The following ALDH1L1 variants were observed in gnomAD, a reference collection of about 807,000 sequenced individuals.
ALDH1L1 encodes aldehyde dehydrogenase 1 family member L1, also known as cytosolic 10-formyltetrahydrofolate dehydrogenase.
ALDH1L1 carries 68 observed loss-of-function variants against 101.1 expected under a neutral mutation model. The observed-to-expected ratio is 0.67, with a 90% CI of 0.55 to 0.82. The LOEUF is 0.82. Ranked by LOEUF, ALDH1L1 falls within the 40% of genes least tolerant of loss-of-function variation. The pLI is 0.00. For synonymous variants in ALDH1L1, 486 were observed against 470.8 expected (o/e 1.03, Z -0.42); for missense variants, 1,087 against 1,172.7 (o/e 0.93, Z 1.07).
At chr3:126,120,531 G>C (rs1480347576) in intron 16 of ALDH1L1, among the ~76,000 whole-genome samples, 1 of 152,220 alleles carries the variant, frequency 6.6e-6, no homozygotes, top group African/African-American at 2.4e-5. Context: ...AATGGTAGAT[G>C]CAAGGGATTA....
chr3:126,162,852 T>A (rs747016734), intron 1 of ALDH1L1, among the ~76,000 whole-genome samples: 9 of 152,354 alleles, frequency 5.9e-5, no homozygotes, highest in Middle Eastern at 3.4e-3. Flanking sequence ...CCTCTGGAAC[T>A]GATTTTTTCA....
In ALDH1L1 at chr3:126,112,872, A is replaced by G. The variant is rs771192887; in HGVS notation, c.2091T>C (p.Ser697=). ...TCTCTCCTTTGTTGAAGAAAACAGA[A>G]CTCATCCCCTTCAGAGAATGGACAA... ...DLNKAVQMGM[S]SVFFNKGENC... is the part of the protein sequence containing the mutation. The change falls in exon 19 of 23, where the codon AGT becomes AGC. Residue 697 remains serine (S), a synonymous_variant. Transcript: ENST00000393434. The G allele has an allele frequency of 1.1e-5, 17 of 1,613,032 alleles. No individual in the cohort carries two copies. The South Asian group carries it at 1.8e-4, about 17-fold the overall frequency.
At chr3:126,158,684 C>T in intron 2 of ALDH1L1, 45 bp from the exon 3 acceptor site, 2 of 1,559,534 alleles carry the variant, frequency 1.3e-6, no homozygotes, top group East Asian at 2.3e-5. Context: ...CATAACCCAC[C>T]CACACGCAGC....
chr3:126,123,959 A>T (rs548676886), intron 16 of ALDH1L1, among the ~76,000 whole-genome samples: 1 of 152,358 alleles, frequency 6.6e-6, no homozygotes, highest in East Asian at 1.9e-4. Flanking sequence ...ACTTTTCCAT[A>T]AACTAGACAA....
chr3:126,149,424 C>T (rs931198626), intron 8 of ALDH1L1, among the ~76,000 whole-genome samples: 5 of 152,234 alleles, frequency 3.3e-5, no homozygotes, highest in African/African-American at 1.2e-4. Context: ...CCCAGCTCAT[C>T]CCCAGAGCCA....
In ALDH1L1 at chr3:126,103,724, G is replaced by A; in HGVS notation, c.*67C>T. 6.4e-7 allele frequency: 1 copy of A among 1,555,012 alleles called. No homozygotes were observed. Among genetic ancestry groups the A allele is most frequent in the East Asian group, 2.3e-5 (1 of 43,870 alleles). ...CAGGTGGGAGGTGCTGTGCACCCAG[G>A]CTCAAGAGGGAGGGGGCCCCAGCCA... On this transcript the variant is annotated 3_prime_UTR_variant, in exon 23 of 23. Coordinates refer to ENST00000393434, the MANE Select transcript of ALDH1L1 (RefSeq NM_012190.4).
At chr3:126,166,024 G>T (rs1483735513) in intron 1 of ALDH1L1, among the ~76,000 whole-genome samples, 1 of 151,712 alleles carries the variant, frequency 6.6e-6, no homozygotes, top group East Asian at 1.9e-4. Context: ...GTTAATTTGA[G>T]ATCTTTCTAT....
chr3:126,108,241 C>T (rs532722931), intron 20 of ALDH1L1, among the ~76,000 whole-genome samples: 4 of 152,212 alleles, frequency 2.6e-5, no homozygotes, highest in Non-Finnish European at 5.9e-5. Context: ...GTACTCTCCC[C>T]TGTCCCCTCT....
chr3:126,176,259 C>T lies in ALDH1L1; in HGVS notation c.-24+4217G>A, dbSNP rs761185356. Among the ~76,000 whole-genome samples the T allele has an allele frequency of 1.1e-4, 17 of 152,036 alleles. No homozygotes were observed. The East Asian group carries it at 1.2e-3, about 10-fold the overall frequency. On this transcript the variant is annotated intron_variant, in intron 1 of 22. Coordinates refer to ENST00000393434, the MANE Select transcript of ALDH1L1 (RefSeq NM_012190.4). ...ATACTGTCCAGATGTCAGTTCTTTC[C>T]GACTTTATCTATAGATTCAATGCAA...
At chr3:126,197,177 T>A (rs1450865517) in intron 1 of ALDH1L1, among the ~76,000 whole-genome samples, 1 of 152,242 alleles carries the variant, frequency 6.6e-6, no homozygotes, top group Non-Finnish European at 1.5e-5. Context: ...GTGTATTTGT[T>A]GTTTATTTGG....
intron 9 of ALDH1L1, among the ~76,000 whole-genome samples, chr3:126,143,788 G>C (rs1195043065): frequency 6.6e-6 from 1 of 151,968 alleles, no homozygotes; most frequent in Admixed American, 6.6e-5. Flanking sequence ...AAAAAAAATT[G>C]TTTTAAGTTA....
rs1945759892 is a variant in ALDH1L1 at position 126,103,792 on chromosome 3, C to T, written c.2708G>A (p.Ter903=). The change falls in exon 23 of 23, where the codon TGA becomes TAA. Residue 903 remains the stop codon, a stop_retained_variant. Coordinates refer to ENST00000393434, the MANE Select transcript of ALDH1L1 (RefSeq NM_012190.4). ...CTTTCTTCTCACAAAGACCTTTCTT[C>T]AGTATTCGAAGGTCACTGTCTTGAC... ...LRVKTVTFEY[*] The T allele has an allele frequency of 6.2e-7, 1 of 1,613,462 alleles. No homozygotes were observed. Among genetic ancestry groups the T allele is most frequent in the East Asian group, 2.2e-5 (1 of 44,870 alleles).
At chr3:126,138,631 C>T (rs75339119) in intron 9 of ALDH1L1, among the ~76,000 whole-genome samples, 6,834 of 152,250 alleles carry the variant, frequency 0.045, 494 homozygotes, top group African/African-American at 0.15. Flanking sequence ...TGACCATTCC[C>T]ACTATTGGGA....
chr3:126,122,212 T>C (rs2080093482), intron 16 of ALDH1L1, among the ~76,000 whole-genome samples: 1 of 152,162 alleles, frequency 6.6e-6, no homozygotes, highest in Admixed American at 6.5e-5. Flanking sequence ...TGAAGGCAAG[T>C]GACTACAGAC....
intron 1 of ALDH1L1, among the ~76,000 whole-genome samples, chr3:126,161,382 T>G (rs555490170): frequency 6.6e-6 from 1 of 152,342 alleles, no homozygotes; most frequent in Admixed American, 6.5e-5. Context: ...GTCACACTTG[T>G]TCATGAGAAA....
intron 21 of ALDH1L1, among the ~76,000 whole-genome samples, chr3:126,106,661 G>A (rs1576404039): frequency 2.0e-5 from 3 of 152,284 alleles, no homozygotes; most frequent in Admixed American, 1.3e-4. Flanking sequence ...AGGCTGCCAC[G>A]CGGAGGAAGC....
At chr3:126,155,340 G>A (rs1442525208) in intron 5 of ALDH1L1, 62 bp downstream of exon 5, 2 of 1,465,900 alleles carry the variant, frequency 1.4e-6, no homozygotes. Flanking sequence ...TCCTCAGGCT[G>A]CCCTCTACAA....
chr3:126,125,095 G>C (rs2080154568), intron 15 of ALDH1L1, among the ~76,000 whole-genome samples: 1 of 152,124 alleles, frequency 6.6e-6, no homozygotes, highest in Admixed American at 6.5e-5. Context: ...GACCTTCCCA[G>C]CATGCCTGGG....
chr3:126,161,063 G>C, intron 1 of ALDH1L1, 61 bp from the exon 2 acceptor site: 1 of 1,570,482 alleles, frequency 6.4e-7, no homozygotes, highest in Non-Finnish European at 8.6e-7. Flanking sequence ...AGCCAGCCCT[G>C]GTTCAAGACA....
Sources: allele counts gnomAD v4.1 joint callset (sites outside exome capture counted in the v4.1 genomes callset), GRCh38; gene constraint gnomAD v4.1.1; transcripts MANE v1.5; gene names NCBI Gene and HGNC (gene_info 2026-07-23, HGNC 2026-07-21).